Variants in NCOA2 observed in about 807,000 individuals in gnomAD.
The protein encoded by NCOA2 is class E basic helix-loop-helix protein 75.
NCOA2 carries 21 observed loss-of-function variants against 145.1 expected under a neutral mutation model. That is an observed-to-expected ratio of 0.14 (90% CI 0.10 to 0.21). The LOEUF is 0.21. Among genes scored for constraint, NCOA2 ranks in the 10% least tolerant of loss-of-function variants. The pLI is 1.00. For synonymous variants in NCOA2, 619 were observed against 637.5 expected, an observed-to-expected ratio of 0.97 and a Z score of 0.44; for missense variants, 1,472 against 1,837.6, an observed-to-expected ratio of 0.80 and a Z score of 3.64.
At chr8:70,292,892 A>C (rs148812868) in intron 2 of NCOA2, among the ~76,000 whole-genome samples, 1 of 152,318 alleles carries the variant, frequency 6.6e-6, no homozygotes, top group African/African-American at 2.4e-5. Context: ...TGTGTCAACA[A>C]CACCCATCAG....
chr8:70,394,288 T>C lies in NCOA2; in HGVS notation c.-77+9412A>G, dbSNP rs1813465492. Among the ~76,000 whole-genome samples the C allele has an allele frequency of 2.0e-5, 3 of 152,308 alleles. 1 individual carries two copies. The highest frequency in any genetic ancestry group is 3.9e-4 in the East Asian group (2 of 5,184). On this transcript the variant is annotated intron_variant, in intron 1 of 22. Transcript: ENST00000452400. ...CTCCTGCCTCAGCCTCCCAAGCAGC[T>C]GGGATTACAGGTGCCCGCCACCATG...
At chr8:70,118,525 G>A (rs970488121) in intron 22 of NCOA2, among the ~76,000 whole-genome samples, 1 of 152,092 alleles carries the variant, frequency 6.6e-6, no homozygotes, top group Non-Finnish European at 1.5e-5. Flanking sequence ...TTAAAAACAA[G>A]AGAAACCGCA....
chr8:70,249,145 A>C (rs756553116), intron 2 of NCOA2, among the ~76,000 whole-genome samples: 19 of 152,104 alleles, frequency 1.2e-4, no homozygotes, highest in Non-Finnish European at 2.4e-4. Context: ...GGCCTGAGCT[A>C]ACCATGCATT....
At chr8:70,226,679 TAA>T (rs35596105) in intron 2 of NCOA2, among the ~76,000 whole-genome samples, 30 of 137,880 alleles carry the variant, frequency 2.2e-4, no homozygotes, top group South Asian at 4.5e-4. Flanking sequence ...TATATATATA[TAA>T]AACTATACTT....
chr8:70,451,217 C>CAAA, the NCOA2 span, among the ~76,000 whole-genome samples: 4,235 of 65,158 alleles, frequency 0.065, 255 homozygotes, highest in East Asian at 0.26. Flanking sequence ...GACTCCGTCT[C>CAAA]AAAAAAAAAA....
At chr8:70,203,683 T>C (rs995539691) in intron 4 of NCOA2, among the ~76,000 whole-genome samples, 1 of 152,214 alleles carries the variant, frequency 6.6e-6, no homozygotes, top group African/African-American at 2.4e-5. Flanking sequence ...TCTTATATCT[T>C]TTGTTTATTT....
chr8:70,159,469 T>C, intron 10 of NCOA2, 36 bp downstream of exon 10: 2 of 1,515,712 alleles, frequency 1.3e-6, no homozygotes, highest in Non-Finnish European at 1.8e-6. Flanking sequence ...CCTCTTAACT[T>C]GGAAATGGAA....
Position 70,112,071 on chromosome 8 carries a change from T to G in NCOA2, c.*1561A>C. ...AAGTGGCCTGCTTAGTAACATGTAG[T>G]CTTTCTAAGGTTCATTAAGAAAGAA... On this transcript the variant is annotated 3_prime_UTR_variant, in exon 23 of 23. Coordinates refer to ENST00000452400, the MANE Select transcript of NCOA2 (RefSeq NM_006540.4). 1 of 207,992 alleles carries G rather than the reference T, an allele frequency of 4.8e-6. No homozygotes were observed. The highest frequency in any genetic ancestry group is 7.4e-5 in the East Asian group (1 of 13,524). 12.9% of individuals were successfully genotyped at this position (207,992 alleles called of 1,614,324 possible). A position where few individuals can be genotyped will look rare whatever the true frequency, so the allele number is the denominator to read the frequency against.
At chr8:70,376,220 T>C (rs1385468179) in intron 1 of NCOA2, among the ~76,000 whole-genome samples, 1 of 152,172 alleles carries the variant, frequency 6.6e-6, no homozygotes, top group East Asian at 1.9e-4. Context: ...CATTATCACT[T>C]CCTATTTTAG....
At chr8:70,255,475 C>A (rs1368800650) in intron 2 of NCOA2, among the ~76,000 whole-genome samples, 1 of 152,162 alleles carries the variant, frequency 6.6e-6, no homozygotes, top group Non-Finnish European at 1.5e-5. Flanking sequence ...CCCAAGCTAA[C>A]CGATAATTCC....
At chr8:70,143,752 A>G (rs1046933202) in intron 13 of NCOA2, among the ~76,000 whole-genome samples, 6 of 152,252 alleles carry the variant, frequency 3.9e-5, no homozygotes, top group Non-Finnish European at 7.3e-5. Flanking sequence ...TTGGCTAAAA[A>G]TAAAATACCA....
chr8:70,275,770 G>A (rs1825417799), intron 2 of NCOA2, among the ~76,000 whole-genome samples: 1 of 152,174 alleles, frequency 6.6e-6, no homozygotes, highest in South Asian at 2.1e-4. Context: ...TAGAGAACTA[G>A]GATGGAACAG....
chr8:70,293,266 G>C (rs573559607), intron 2 of NCOA2, among the ~76,000 whole-genome samples: 149 of 152,188 alleles, frequency 9.8e-4, no homozygotes, highest in African/African-American at 3.2e-3. Flanking sequence ...TATCTTCATG[G>C]ATACATATAC....
At chr8:70,233,527 G>GT (rs1375378336) in intron 2 of NCOA2, among the ~76,000 whole-genome samples, 1 of 152,028 alleles carries the variant, frequency 6.6e-6, no homozygotes, top group Non-Finnish European at 1.5e-5. Context: ...CAAAGATATT[G>GT]TATCTCTTCC....
At chr8:70,326,127 A>G (rs1368557647) in intron 1 of NCOA2, among the ~76,000 whole-genome samples, 4 of 152,198 alleles carry the variant, frequency 2.6e-5, no homozygotes, top group Admixed American at 1.3e-4. Context: ...TCTTCCTAGT[A>G]CCCATGATAT....
intron 1 of NCOA2, among the ~76,000 whole-genome samples, chr8:70,402,862 C>T (rs1586698233): frequency 6.8e-6 from 1 of 147,176 alleles, no homozygotes; most frequent in Non-Finnish European, 1.5e-5. Context: ...CTCGGCGCCG[C>T]CGGGGCCCGG....
chr8:70,184,686 C>T (rs745764801), intron 4 of NCOA2, among the ~76,000 whole-genome samples: 5 of 152,152 alleles, frequency 3.3e-5, no homozygotes, highest in Non-Finnish European at 5.9e-5. Context: ...GGCCAATAAA[C>T]GTGTAGAGAA....
chr8:70,302,269 A>G lies in NCOA2; in HGVS notation c.-76-5469T>C, dbSNP rs182514618. On this transcript the variant is annotated intron_variant, in intron 1 of 22. Coordinates refer to ENST00000452400, the MANE Select transcript of NCOA2 (RefSeq NM_006540.4). Reference sequence around the variant, plus strand: ...GTTTCACTGCAGAAGACTTAATAATATAAAGAATGAGGACTAGACATGCAA... The same window carrying G: ...GTTTCACTGCAGAAGACTTAATAATGTAAAGAATGAGGACTAGACATGCAA... Among the ~76,000 whole-genome samples the G allele has an allele frequency of 2.4e-3, 369 of 152,326 alleles. 2 individuals are homozygous for G. The highest frequency in any genetic ancestry group is 8.3e-3 in the African/African-American group (344 of 41,576).
chr8:70,435,373 C>G, the NCOA2 span, among the ~76,000 whole-genome samples: 4 of 122,456 alleles, frequency 3.3e-5, no homozygotes, highest in African/African-American at 1.3e-4. Context: ...TGCAGTGAGC[C>G]GGGATAGCGC....
Sources: gnomAD v4.1 joint callset for allele counts (sites outside exome capture counted in the v4.1 genomes callset) on GRCh38, gnomAD v4.1.1 for gene constraint, MANE v1.5 for transcripts, NCBI Gene and HGNC (gene_info 2026-07-23, HGNC 2026-07-21) for gene names.